The following TPRG1 variants were observed in gnomAD, a reference collection of about 807,000 sequenced individuals.
TPRG1 encodes the protein tumor protein p63-regulated gene 1 protein.
In TPRG1, 29 loss-of-function variants were observed where a neutral mutation model predicts 29.3. That is an observed-to-expected ratio of 0.99 (90% CI 0.74 to 1.35). The LOEUF (loss-of-function observed/expected upper bound fraction) is 1.35. Ranked by LOEUF, TPRG1 falls within the 40% of genes most tolerant of loss-of-function variation. TPRG1 has a pLI of 0.00. For synonymous variants in TPRG1, 130 were observed against 116.8 expected, an observed-to-expected ratio of 1.11 and a Z score of -0.73; for missense variants, 327 against 335.0, an observed-to-expected ratio of 0.98 and a Z score of 0.19.
chr3:189,009,774 TTCTC>T (rs1018841676), intron 3 of TPRG1, among the ~76,000 whole-genome samples: 1 of 151,910 alleles, frequency 6.6e-6, no homozygotes, highest in African/African-American at 2.4e-5. Context: ...GGTGCAATAA[TTCTC>T]TCTCTTTTTT....
chr3:189,276,522 G>A (rs1254671281), intron 4 of TPRG1, among the ~76,000 whole-genome samples: 2 of 152,160 alleles, frequency 1.3e-5, no homozygotes, highest in East Asian at 1.9e-4. Context: ...GGGCTCTGAT[G>A]TCATGGTTTT....
rs1228417389 is a variant in TPRG1 at position 189,323,003 on chromosome 3, C to T, written c.*2183C>T. 3 of 151,996 alleles carry T rather than the reference C, an allele frequency of 2.0e-5. No homozygotes were observed. In the South Asian group the frequency reaches 6.2e-4, roughly 32 times the overall value. The allele number at this position is 151,996 out of a possible 1,614,324, so 9.4% of individuals were successfully genotyped here. A position where few individuals can be genotyped will look rare whatever the true frequency, so the allele number is the denominator to read the frequency against. ...TATCCCCTTAATTGATAAATGGGAT[C>T]TAGAAAGCGGTATTATGACCAGAGG... On this transcript the variant is annotated 3_prime_UTR_variant, in exon 6 of 6. Transcript: ENST00000345063.
At chr3:189,289,486 G>A (rs1032471698) in intron 4 of TPRG1, among the ~76,000 whole-genome samples, 10 of 151,380 alleles carry the variant, frequency 6.6e-5, no homozygotes, top group African/African-American at 2.4e-4. Flanking sequence ...CTGAGATTCT[G>A]GAGACCTGCT....
intron 4 of TPRG1, among the ~76,000 whole-genome samples, chr3:189,081,217 G>A (rs1459200783): frequency 1.3e-5 from 2 of 152,158 alleles, no homozygotes; most frequent in Admixed American, 6.5e-5. Flanking sequence ...TGGTGATGCA[G>A]CTTTGAAGGT....
At chr3:189,005,390 A>G (rs1712235780) in intron 3 of TPRG1, among the ~76,000 whole-genome samples, 1 of 152,138 alleles carries the variant, frequency 6.6e-6, no homozygotes, top group African/African-American at 2.4e-5. Context: ...AGCTATCTCC[A>G]CATCAGATTC....
intron 3 of TPRG1, among the ~76,000 whole-genome samples, chr3:189,226,797 C>T (rs1007582880): frequency 1.2e-5 from 1 of 81,760 alleles, no homozygotes; most frequent in Non-Finnish European, 2.6e-5. Context: ...GCAAGGCTGA[C>T]AAAAAAAAAA....
chr3:189,085,819 A>G (rs1047079226), intron 4 of TPRG1, among the ~76,000 whole-genome samples: 1 of 152,204 alleles, frequency 6.6e-6, no homozygotes, highest in Non-Finnish European at 1.5e-5. Context: ...ATCCATTTAC[A>G]CTTGAGGATA....
chr3:189,306,990 C>T (rs1300761168), intron 4 of TPRG1, among the ~76,000 whole-genome samples: 1 of 152,104 alleles, frequency 6.6e-6, no homozygotes, highest in Admixed American at 6.6e-5. Context: ...TTTAATTAAC[C>T]CATCATAGCA....
intron 3 of TPRG1, among the ~76,000 whole-genome samples, chr3:189,237,424 A>G (rs1739695701): frequency 6.6e-6 from 1 of 152,162 alleles, no homozygotes; most frequent in Non-Finnish European, 1.5e-5. Context: ...CATGGTACCC[A>G]TTGCTAAGCA....
intron 1 of TPRG1, among the ~76,000 whole-genome samples, chr3:189,119,734 T>C (rs1721606688): frequency 6.6e-6 from 1 of 152,182 alleles, no homozygotes; most frequent in African/African-American, 2.4e-5. Flanking sequence ...CATGTTTGCT[T>C]CCCCTTCTGC....
intron 4 of TPRG1, among the ~76,000 whole-genome samples, chr3:189,061,053 G>T (rs548702482): frequency 7.2e-5 from 11 of 152,154 alleles, no homozygotes; most frequent in Non-Finnish European, 1.2e-4. Flanking sequence ...TTATACTATA[G>T]GGCTACAGTA....
rs979219866 is a variant in TPRG1 at position 189,000,597 on chromosome 3, A to G, written c.-1015-177A>G. ...ACTCACCTCATTTTTAATGTACAAA[A>G]TTATTACATGTGTGTGGCTCTGTTT... On this transcript the variant is annotated intron_variant, in intron 1 of 10. Transcript: ENST00000433971. Among the ~76,000 whole-genome samples, 6 of 152,196 alleles carry G rather than the reference A, an allele frequency of 3.9e-5. No individual in the cohort carries two copies. In the South Asian group the frequency reaches 1.2e-3, roughly 32 times the overall value.
intron 1 of TPRG1, among the ~76,000 whole-genome samples, chr3:189,190,335 A>C (rs987275872): frequency 6.6e-6 from 1 of 152,200 alleles, no homozygotes; most frequent in Non-Finnish European, 1.5e-5. Flanking sequence ...GGGCAGCATC[A>C]AATTCTGGCC....
chr3:189,016,651 A>C (rs1208255537), intron 3 of TPRG1, among the ~76,000 whole-genome samples: 1 of 152,028 alleles, frequency 6.6e-6, no homozygotes, highest in Non-Finnish European at 1.5e-5. Context: ...TAATTGAATT[A>C]TGGGGGTGGA....
At chr3:189,315,384 G>A in intron 5 of TPRG1, 1 of 407,288 alleles carries the variant, frequency 2.5e-6, no homozygotes, top group East Asian at 7.2e-5. Flanking sequence ...GTATAATATT[G>A]TATCTCAAAA....
rs565059852 is a variant in TPRG1, at chr3:189,296,498, C to T, written c.480-13888C>T. ...CAGACATACACAATTATGTGTAGATCTGTATATCTGTATACGGATGAACAG... is the reference window on the plus strand; with the variant it reads ...CAGACATACACAATTATGTGTAGATTTGTATATCTGTATACGGATGAACAG... On this transcript the variant is annotated intron_variant, in intron 4 of 5. Transcript: ENST00000345063. 7.9e-5 allele frequency among the ~76,000 whole-genome samples: 12 copies of T among 151,712 alleles called. No individual in the cohort carries two copies. The South Asian group carries it at 2.3e-3, about 29-fold the overall frequency.
intron 4 of TPRG1, among the ~76,000 whole-genome samples, chr3:189,247,596 T>G (rs1045638775): frequency 6.6e-6 from 1 of 151,964 alleles, no homozygotes; most frequent in Non-Finnish European, 1.5e-5. Flanking sequence ...TTTTGGTTGT[T>G]TGTTTTTTTG....
At chr3:189,037,630 A>G (rs112229915) in intron 4 of TPRG1, among the ~76,000 whole-genome samples, 113 of 151,986 alleles carry the variant, frequency 7.4e-4, no homozygotes, top group African/African-American at 2.3e-3. Context: ...ACCAAATATA[A>G]TGAAACAAGA....
intron 4 of TPRG1, among the ~76,000 whole-genome samples, chr3:189,296,977 T>A (rs1192219109): frequency 6.6e-6 from 1 of 152,014 alleles, no homozygotes; most frequent in Non-Finnish European, 1.5e-5. Flanking sequence ...AACCCTCTTC[T>A]TCTTCTTCTT....
Sources: allele counts gnomAD v4.1 joint callset (sites outside exome capture counted in the v4.1 genomes callset), GRCh38; gene constraint gnomAD v4.1.1; transcripts MANE v1.5; gene names NCBI Gene and HGNC (gene_info 2026-07-23, HGNC 2026-07-21).